The following AGMO variants were observed in gnomAD, a reference collection of about 807,000 sequenced individuals.
The protein encoded by AGMO is glyceryl-ether monooxygenase.
AGMO carries 75 observed loss-of-function variants against 60.2 expected under a neutral mutation model. That is an observed-to-expected ratio of 1.25 (90% confidence interval 1.03 to 1.51). AGMO has a LOEUF of 1.51. Ranked by LOEUF, AGMO falls within the 40% of genes most tolerant of loss-of-function variation. The pLI is 0.00. For synonymous variants in AGMO, 261 were observed against 177.1 expected (o/e 1.47, Z -3.76); for missense variants, 763 against 525.5 (o/e 1.45, Z -4.42).
intron 12 of AGMO, among the ~76,000 whole-genome samples, chr7:15,289,616 ATAGATATT>A (rs1472221844): frequency 3.9e-5 from 6 of 152,148 alleles, no homozygotes; most frequent in African/African-American, 1.4e-4. Context: ...TTTTTTAATA[ATAGATATT>A]ATAAGTTTAT....
chr7:15,306,851 T>C (rs1780630191), intron 12 of AGMO, among the ~76,000 whole-genome samples: 1 of 152,006 alleles, frequency 6.6e-6, no homozygotes, highest in African/African-American at 2.4e-5. Flanking sequence ...GTGTATAAAA[T>C]ATTATTACAA....
At chr7:15,255,534 C>CA (rs60035165) in intron 12 of AGMO, among the ~76,000 whole-genome samples, 61,015 of 115,698 alleles carry the variant, frequency 0.53, 14,018 homozygotes, top group Admixed American at 0.65. Context: ...TGTAAGAATA[C>CA]AAAAAAAAAA....
At chr7:15,345,034 T>A (rs1781983285) in intron 12 of AGMO, among the ~76,000 whole-genome samples, 3 of 152,142 alleles carry the variant, frequency 2.0e-5, no homozygotes, top group Admixed American at 6.6e-5. Flanking sequence ...CATCTTTCCA[T>A]GTTTACTAAA....
chr7:15,225,308 A>G (rs1171182928), intron 12 of AGMO, among the ~76,000 whole-genome samples: 1 of 152,012 alleles, frequency 6.6e-6, no homozygotes, highest in East Asian at 1.9e-4. Context: ...TTATAATTAG[A>G]TGATGGTAAT....
At chr7:15,493,974 A>C (rs1032536124) in intron 3 of AGMO, among the ~76,000 whole-genome samples, 1 of 152,168 alleles carries the variant, frequency 6.6e-6, no homozygotes, top group Admixed American at 6.6e-5. Context: ...CCACCACCTC[A>C]TGAATTTTTC....
At chr7:15,160,865 T>C in the AGMO span, among the ~76,000 whole-genome samples, 1 of 152,082 alleles carries the variant, frequency 6.6e-6, no homozygotes, top group Admixed American at 6.6e-5. Flanking sequence ...GCTGAGTAAT[T>C]TACAATGAAC....
intron 5 of AGMO, among the ~76,000 whole-genome samples, chr7:15,414,746 T>A (rs1322522569): frequency 6.6e-6 from 1 of 152,204 alleles, no homozygotes; most frequent in Non-Finnish European, 1.5e-5. Context: ...GAATAATGCA[T>A]CCTTTAAAGC....
chr7:15,400,457 C>T (rs1007033466), intron 5 of AGMO, among the ~76,000 whole-genome samples: 2 of 152,262 alleles, frequency 1.3e-5, no homozygotes, highest in Non-Finnish European at 2.9e-5. Flanking sequence ...TTGAAGAATT[C>T]TACTTTGTGG....
chr7:15,342,837 C>T (rs1298925157), intron 12 of AGMO, among the ~76,000 whole-genome samples: 1 of 134,970 alleles, frequency 7.4e-6, no homozygotes, highest in East Asian at 2.5e-4. Context: ...CAACTTATGA[C>T]TATATGACAT....
intron 12 of AGMO, among the ~76,000 whole-genome samples, chr7:15,354,504 A>ACGTG (rs1451727408): frequency 2.8e-5 from 1 of 35,586 alleles, no homozygotes; most frequent in Admixed American, 2.0e-4. Context: ...GTGTATATAT[A>ACGTG]TATATATATA....
At chr7:15,257,558 T>C (rs1783133257) in intron 12 of AGMO, among the ~76,000 whole-genome samples, 1 of 152,222 alleles carries the variant, frequency 6.6e-6, no homozygotes, top group African/African-American at 2.4e-5. Flanking sequence ...GAGATTCTTT[T>C]GCAATTTTTC....
chr7:15,530,667 C>A (rs1333980275), intron 3 of AGMO, among the ~76,000 whole-genome samples: 3 of 136,512 alleles, frequency 2.2e-5, no homozygotes, highest in Non-Finnish European at 4.6e-5. Flanking sequence ...ATACGTATTT[C>A]TATATATATA....
chr7:15,413,048 G>C (rs926697893), intron 5 of AGMO, among the ~76,000 whole-genome samples: 1 of 152,072 alleles, frequency 6.6e-6, no homozygotes, highest in African/African-American at 2.4e-5. Flanking sequence ...CCAGATATTG[G>C]AATTAGCAGA....
intron 8 of AGMO, among the ~76,000 whole-genome samples, chr7:15,389,466 G>T (rs555432956): frequency 6.6e-6 from 1 of 152,098 alleles, no homozygotes; most frequent in African/African-American, 2.4e-5. Context: ...CATATTCTTA[G>T]TAAGTTTAAT....
At chr7:15,119,872 A>G in the AGMO span, among the ~76,000 whole-genome samples, 2 of 151,802 alleles carry the variant, frequency 1.3e-5, no homozygotes, top group South Asian at 4.1e-4. Context: ...CCAACCTCCC[A>G]GCATTAGTTT....
At chr7:15,327,824 T>A (rs927288129) in intron 12 of AGMO, among the ~76,000 whole-genome samples, 1 of 146,806 alleles carries the variant, frequency 6.8e-6, no homozygotes, top group African/African-American at 2.5e-5. Flanking sequence ...GGCTATAGTG[T>A]TGCCATCACA....
At chr7:15,341,883 G>C (rs1781860139) in intron 12 of AGMO, among the ~76,000 whole-genome samples, 1 of 151,932 alleles carries the variant, frequency 6.6e-6, no homozygotes, top group Non-Finnish European at 1.5e-5. Context: ...GATCTCGTGA[G>C]ACATATTCAC....
the AGMO span, among the ~76,000 whole-genome samples, chr7:15,142,214 T>G: frequency 0.014 from 2,161 of 152,324 alleles, 39 homozygotes; most frequent in African/African-American, 0.049. Context: ...TTTTTAATCT[T>G]AAATCATCAA....
At chr7:15,210,102 A>C (rs976632878) in intron 12 of AGMO, among the ~76,000 whole-genome samples, 1 of 152,192 alleles carries the variant, frequency 6.6e-6, no homozygotes, top group African/African-American at 2.4e-5. Context: ...GAAGGAGCTC[A>C]AATGATACAG....
Sources: allele counts gnomAD v4.1 joint callset (sites outside exome capture counted in the v4.1 genomes callset), GRCh38; gene constraint gnomAD v4.1.1; transcripts MANE v1.5; gene names NCBI Gene and HGNC (gene_info 2026-07-23, HGNC 2026-07-21).